ECRG4: variants seen among roughly 807,000 people sequenced by gnomAD.
ECRG4 encodes the protein ECRG4 augurin precursor.
ECRG4 carries 18 observed loss-of-function variants against 15.8 expected under a neutral mutation model. The ratio of observed to expected loss-of-function variants is 1.14; its 90% confidence interval spans 0.79 to 1.69. The LOEUF (loss-of-function observed/expected upper bound fraction) is 1.69. Ranked by LOEUF, ECRG4 falls within the 40% of genes most tolerant of loss-of-function variation. The probability of loss-of-function intolerance (pLI) is 0.00; values close to 1 mark genes in which losing one functional copy is unlikely to be tolerated. For synonymous variants in ECRG4, 82 were observed against 73.9 expected (o/e 1.11, Z -0.56); for missense variants, 200 against 190.9 (o/e 1.05, Z -0.28).
intron 1 of ECRG4, among the ~76,000 whole-genome samples, chr2:106,069,232 CTTTCT>C (rs1676301497): frequency 1.5e-5 from 2 of 137,346 alleles, no homozygotes; most frequent in Admixed American, 7.4e-5. Context: ...TTCTTTCCTT[CTTTCT>C]TTTCTTTCTT....
At chr2:106,063,592 AT>A (rs541886169), upstream of ECRG4, among the ~76,000 whole-genome samples, 122 of 151,498 alleles carry the variant, frequency 8.1e-4, 1 homozygote, top group Non-Finnish European at 1.3e-3. Flanking sequence ...AAGATAATTT[AT>A]TTTTTTTTAG....
chr2:106,078,146 AAAAAG>A (rs1220088140), exon 4 of ECRG4: 2 of 452,700 alleles, frequency 4.4e-6, no homozygotes, highest in East Asian at 3.6e-5. Flanking sequence ...GCATTTTGTT[AAAAAG>A]AAAAGTCTTA....
At chr2:106,064,091 GC>G (rs1257342888), upstream of ECRG4, among the ~76,000 whole-genome samples, 1 of 152,136 alleles carries the variant, frequency 6.6e-6, no homozygotes, top group Non-Finnish European at 1.5e-5. Flanking sequence ...GTAAATATAT[GC>G]CTGGTTACTT....
upstream of ECRG4, chr2:106,064,296 C>T (rs1369881015): frequency 6.6e-6 from 1 of 152,206 alleles, no homozygotes; most frequent in Non-Finnish European, 1.5e-5. Context: ...TGTTAGAAGA[C>T]TTCTTTCTCC....
intron 1 of ECRG4, among the ~76,000 whole-genome samples, chr2:106,067,718 G>T (rs769534170): frequency 1.3e-5 from 2 of 152,052 alleles, no homozygotes; most frequent in African/African-American, 4.8e-5. Flanking sequence ...GCCGACCTCA[G>T]GTGATCCACC....
At chr2:106,071,366 G>T (rs375967074) in intron 1 of ECRG4, among the ~76,000 whole-genome samples, 6 of 110,126 alleles carry the variant, frequency 5.4e-5, no homozygotes, top group African/African-American at 2.3e-4. Flanking sequence ...AGAAAGAAAA[G>T]AAAAGAAAAT....
At chr2:106,065,918 G>T in intron 1 of ECRG4, 75 bp downstream of exon 1, 1 of 1,303,440 alleles carries the variant, frequency 7.7e-7, no homozygotes, top group South Asian at 1.5e-5. Context: ...ATGGTGCCCG[G>T]GGAGAGCGAT....
At chr2:106,075,577 G>T (rs1347952472) in intron 3 of ECRG4, among the ~76,000 whole-genome samples, 1 of 152,110 alleles carries the variant, frequency 6.6e-6, no homozygotes, top group Non-Finnish European at 1.5e-5. Context: ...CAAAAAATTA[G>T]CCAGGTGTGT....
chr2:106,063,468 A>C (rs1676143739), upstream of ECRG4: 1 of 152,292 alleles, frequency 6.6e-6, no homozygotes. Context: ...AGATATCAGC[A>C]TAAGAACTGA....
intron 1 of ECRG4, among the ~76,000 whole-genome samples, chr2:106,067,957 C>T (rs541114775): frequency 1.1e-4 from 17 of 151,950 alleles, no homozygotes; most frequent in Non-Finnish European, 2.5e-4. Flanking sequence ...ACCTCAGCCT[C>T]CCGAGTAGCT....
chr2:106,069,922 C>T (rs1391565840), intron 1 of ECRG4, among the ~76,000 whole-genome samples: 1 of 152,160 alleles, frequency 6.6e-6, no homozygotes, highest in Non-Finnish European at 1.5e-5. Flanking sequence ...TCACTATAGA[C>T]CGACTTGAGC....
Position 106,078,024 on chromosome 2 carries a change from A to G in ECRG4, c.*98A>G. On this transcript the variant is annotated 3_prime_UTR_variant, in exon 4 of 4. Coordinates refer to ENST00000238044, the MANE Select transcript of ECRG4 (RefSeq NM_032411.3). ...CTTGGTTTCTGATTTGCTCTATTTC[A>G]GCAGATCTTTTCTACCTACTTTGTG... 1 of 1,196,550 alleles carries G rather than the reference A, an allele frequency of 8.4e-7. No individual in the cohort carries two copies. The highest frequency in any genetic ancestry group is 1.1e-6 in the Non-Finnish European group (1 of 882,360). 74.1% of individuals were successfully genotyped at this position (1,196,550 alleles called of 1,614,324 possible). A position where few individuals can be genotyped will look rare whatever the true frequency, so the allele number is the denominator to read the frequency against.
chr2:106,071,133 T>C (rs1676356632), intron 1 of ECRG4: 6 of 405,888 alleles, frequency 1.5e-5, no homozygotes, highest in South Asian at 1.1e-4. Flanking sequence ...TGGGCTGCAC[T>C]TTTAGAGAGC....
chr2:106,067,058 CCGGG>C (rs1429544897), intron 1 of ECRG4, among the ~76,000 whole-genome samples: 1 of 3,398 alleles, frequency 2.9e-4, no homozygotes, highest in African/African-American at 1.7e-3. Flanking sequence ...CTTTGGGAGG[CCGGG>C]GGGGGGGGGG....
At position 106,071,895 on chromosome 2, in the gene ECRG4, AAT is replaced by A; in HGVS notation, c.127+8_127+9del. The A allele has an allele frequency of 3.1e-6, 5 of 1,610,852 alleles. 1 individual carries two copies. The highest frequency in any genetic ancestry group is 2.5e-6 in the Non-Finnish European group (3 of 1,177,098). On this transcript the variant is annotated splice_donor_5th_base_variant and intron_variant, in intron 2 of 3. Coordinates refer to ENST00000238044, the MANE Select transcript of ECRG4 (RefSeq NM_032411.3). ...CTGATGCTTCAAAAACGAGAAGGTA[AAT>A]ATACCCCAAATGGATAAGGGATGCA...
chr2:106,077,798 A>G lies in ECRG4; in HGVS notation c.319A>G (p.Arg107Gly). The part of the protein sequence containing the change: ...FEDDITYWLN[R>G]DRNGHEYYGD... ...AGATGACATCACCTATTGGCTTAAC[A>G]GAGATCGAAATGGACATGAATACTA... Residue 107 changes from arginine (R) to glycine (G), a missense_variant, in exon 4 of 4, where the codon AGA (arginine) becomes GGA (glycine). Physicochemically the swap from Arg to Gly is moderately radical, Grantham distance 125. Coordinates refer to ENST00000238044, the MANE Select transcript of ECRG4 (RefSeq NM_032411.3). 6.2e-7 allele frequency: 1 copy of G among 1,614,168 alleles called. No individual in the cohort carries two copies.
At chr2:106,063,460 A>C (rs1188166110), upstream of ECRG4, 1 of 152,256 alleles carries the variant, frequency 6.6e-6, no homozygotes, top group African/African-American at 2.4e-5. Context: ...AGGAACTTAG[A>C]TATCAGCATA....
upstream of ECRG4, among the ~76,000 whole-genome samples, chr2:106,065,262 A>G (rs1676182212): frequency 6.6e-6 from 1 of 152,018 alleles, no homozygotes; most frequent in African/African-American, 2.4e-5. Context: ...GAAAGGGGTG[A>G]GGAGTAAGGG....
chr2:106,074,546 T>C (rs1676444457), intron 3 of ECRG4, among the ~76,000 whole-genome samples: 1 of 152,204 alleles, frequency 6.6e-6, no homozygotes, highest in Admixed American at 6.5e-5. Context: ...TAGGAAAAGA[T>C]GGTTTACAGT....
Sources: gnomAD v4.1 joint callset for allele counts (sites outside exome capture counted in the v4.1 genomes callset) on GRCh38, gnomAD v4.1.1 for gene constraint, MANE v1.5 for transcripts, NCBI Gene and HGNC (gene_info 2026-07-23, HGNC 2026-07-21) for gene names.